SLC25A13: variants seen among roughly 807,000 people sequenced by gnomAD.
SLC25A13 encodes solute carrier family 25 member 13, also known as electrogenic aspartate/glutamate antiporter SLC25A13, mitochondrial.
A neutral mutation model predicts 85.5 loss-of-function variants in SLC25A13; 70 were observed. The observed-to-expected ratio is 0.82, with a 90% CI of 0.68 to 1.00. The LOEUF is 1.00. SLC25A13 is among the 50% of genes least tolerant of loss of function. The pLI, the probability that SLC25A13 is intolerant of heterozygous loss-of-function variation, is 0.00. For synonymous variants in SLC25A13, 259 were observed against 288.7 expected (o/e 0.90, Z 1.04); for missense variants, 765 against 819.8 (o/e 0.93, Z 0.82).
At chr7:96,310,844 C>T (rs1799922807) in intron 1 of SLC25A13, among the ~76,000 whole-genome samples, 1 of 152,130 alleles carries the variant, frequency 6.6e-6, no homozygotes, top group South Asian at 2.1e-4. Flanking sequence ...GTGTTACAAT[C>T]CCTTTCCAAT....
In SLC25A13 at chr7:96,319,588, G is replaced by A. The variant is rs560164501; in HGVS notation, c.15+2354C>T. Among the ~76,000 whole-genome samples the A allele has an allele frequency of 7.5e-5, 11 of 146,876 alleles. No individual in the cohort carries two copies. In the South Asian group the frequency reaches 2.4e-3, roughly 32 times the overall value. On this transcript the variant is annotated intron_variant, in intron 1 of 17. Transcript: ENST00000265631. ...CTGCTCTCAGAGAGCAGTATAAGGA[G>A]ACTTCTCTCCCAAGTAAATGACCTC...
intron 3 of SLC25A13, among the ~76,000 whole-genome samples, chr7:96,243,929 C>A (rs1198235839): frequency 1.3e-5 from 2 of 152,062 alleles, no homozygotes; most frequent in African/African-American, 4.8e-5. Context: ...GGGTTTTATG[C>A]AGGGGAGTGA....
intron 1 of SLC25A13, among the ~76,000 whole-genome samples, chr7:96,317,284 G>A (rs1800166323): frequency 6.6e-6 from 1 of 151,766 alleles, no homozygotes; most frequent in African/African-American, 2.4e-5. Context: ...TCAGATCTTA[G>A]GCCACTAACA....
intron 1 of SLC25A13, among the ~76,000 whole-genome samples, chr7:96,310,508 C>T (rs779175281): frequency 2.0e-5 from 3 of 152,178 alleles, no homozygotes; most frequent in Admixed American, 6.5e-5. Context: ...TTGGTTGAAG[C>T]AGATTTCTCC....
chr7:96,263,162 A>C (rs1052421291), intron 3 of SLC25A13, among the ~76,000 whole-genome samples: 2 of 152,114 alleles, frequency 1.3e-5, no homozygotes, highest in Admixed American at 6.6e-5. Flanking sequence ...CAGCAGGCAC[A>C]ATCTGGAGTC....
At chr7:96,142,018 C>T (rs1482533648) in intron 14 of SLC25A13, among the ~76,000 whole-genome samples, 3 of 152,034 alleles carry the variant, frequency 2.0e-5, no homozygotes, top group Non-Finnish European at 1.5e-5. Flanking sequence ...AAAAAATTTC[C>T]ATAGTTATTA....
Position 96,202,672 on chromosome 7 carries a change from G to A in SLC25A13, c.468+6166C>T, listed in dbSNP as rs545101153. ...CAAAAAACCCAACTATACAGGGGCC[G>A]TAGGTAGGGTCCTACAGTAAATCAT... On this transcript the variant is annotated intron_variant, in intron 5 of 17. Transcript: ENST00000265631. Among the ~76,000 whole-genome samples, 126 of 152,310 alleles carry A rather than the reference G, an allele frequency of 8.3e-4. 1 individual carries two copies. The Middle Eastern group carries it at 0.02, about 25-fold the overall frequency.
intron 2 of SLC25A13, among the ~76,000 whole-genome samples, chr7:96,290,575 AG>A (rs888593192): frequency 6.0e-5 from 9 of 149,606 alleles, no homozygotes; most frequent in Non-Finnish European, 8.9e-5. Context: ...AAAGGGATGG[AG>A]GAAGATCTAC....
intron 14 of SLC25A13, among the ~76,000 whole-genome samples, chr7:96,143,312 A>C (rs1166567509): frequency 6.6e-6 from 1 of 152,238 alleles, no homozygotes; most frequent in Non-Finnish European, 1.5e-5. Context: ...AAGTAGATGG[A>C]TACAACTTTT....
chr7:96,176,740 A>G (rs1489510308), intron 11 of SLC25A13, among the ~76,000 whole-genome samples: 1 of 152,146 alleles, frequency 6.6e-6, no homozygotes, highest in Non-Finnish European at 1.5e-5. Context: ...ATTCTTAAGA[A>G]CCTGTTAGAA....
intron 1 of SLC25A13, among the ~76,000 whole-genome samples, chr7:96,315,916 C>T (rs1427670604): frequency 6.6e-6 from 1 of 151,758 alleles, no homozygotes; most frequent in Non-Finnish European, 1.5e-5. Context: ...AAATATACAG[C>T]CCAAAGCCTG....
intron 3 of SLC25A13, among the ~76,000 whole-genome samples, chr7:96,245,415 A>G (rs73235917): frequency 0.17 from 25,901 of 152,126 alleles, 2,368 homozygotes; most frequent in South Asian, 0.23. Flanking sequence ...AGATGATTCT[A>G]CATCAAGGAA....
chr7:96,290,392 A>T (rs1025778957), intron 2 of SLC25A13, among the ~76,000 whole-genome samples: 1 of 152,184 alleles, frequency 6.6e-6, no homozygotes, highest in Non-Finnish European at 1.5e-5. Flanking sequence ...ACCAGCTAAC[A>T]TCATAAAGAC....
intron 1 of SLC25A13, chr7:96,306,752 G>A (rs1799759633): frequency 5.2e-6 from 6 of 1,144,654 alleles, no homozygotes; most frequent in South Asian, 2.5e-5. Flanking sequence ...TCATCCCTCT[G>A]CATTTTGTTC....
At chr7:96,230,759 C>T (rs927695000) in intron 4 of SLC25A13, among the ~76,000 whole-genome samples, 3 of 152,198 alleles carry the variant, frequency 2.0e-5, no homozygotes, top group African/African-American at 7.2e-5. Context: ...ATGCAGAAGA[C>T]TGAAACTGGA....
rs754775788 is a variant in SLC25A13, at chr7:96,322,033, T to C, written c.-77A>G. On this transcript the variant is annotated 5_prime_UTR_variant, in exon 1 of 18. Coordinates refer to ENST00000265631, the MANE Select transcript of SLC25A13 (RefSeq NM_014251.3). ...GTTTGGGACCCGGGCGGCTCACTTCTAGTCCCGGCGGCGGCGGCGGTGGGG... is the reference window on the plus strand; with the variant it reads ...GTTTGGGACCCGGGCGGCTCACTTCCAGTCCCGGCGGCGGCGGCGGTGGGG... 1.3e-6 allele frequency: 2 copies of C among 1,517,576 alleles called. No homozygotes were observed. Among genetic ancestry groups the C allele is most frequent in the Admixed American group, 2.0e-5 (1 of 48,858 alleles). 94.0% of individuals were successfully genotyped at this position (1,517,576 alleles called of 1,614,324 possible).
chr7:96,278,147 C>T (rs541246692), intron 2 of SLC25A13, among the ~76,000 whole-genome samples: 1 of 152,270 alleles, frequency 6.6e-6, no homozygotes, highest in African/African-American at 2.4e-5. Flanking sequence ...GCATGGAGCC[C>T]TAAGGGCAGA....
intron 2 of SLC25A13, among the ~76,000 whole-genome samples, chr7:96,293,726 T>C (rs1298622341): frequency 6.6e-6 from 1 of 152,072 alleles, no homozygotes; most frequent in Admixed American, 6.5e-5. Context: ...AAAACCACAG[T>C]GAGATACCAT....
intron 13 of SLC25A13, among the ~76,000 whole-genome samples, chr7:96,149,298 T>G (rs762614589): frequency 6.6e-6 from 1 of 152,232 alleles, no homozygotes; most frequent in Non-Finnish European, 1.5e-5. Context: ...ACAAACTCTT[T>G]CTACATATCC....
Sources: gnomAD v4.1 joint callset for allele counts (sites outside exome capture counted in the v4.1 genomes callset) on GRCh38, gnomAD v4.1.1 for gene constraint, MANE v1.5 for transcripts, NCBI Gene and HGNC (gene_info 2026-07-23, HGNC 2026-07-21) for gene names.